STT3B: variants seen among roughly 807,000 people sequenced by gnomAD.
The protein encoded by STT3B is STT3 oligosaccharyltransferase complex catalytic subunit B, also known as dolichyl-diphosphooligosaccharide--protein glycosyltransferase subunit STT3B.
A neutral mutation model predicts 96.8 loss-of-function variants in STT3B; 29 were observed. That is an observed-to-expected ratio of 0.30 (90% confidence interval 0.22 to 0.41). The LOEUF is 0.41. Ranked by LOEUF, STT3B falls within the 10% of genes least tolerant of loss-of-function variation. The pLI is 1.00. For synonymous variants in STT3B, 367 were observed against 360.0 expected, an observed-to-expected ratio of 1.02 and a Z score of -0.22; for missense variants, 640 against 1,022.3, an observed-to-expected ratio of 0.63 and a Z score of 5.10.
In STT3B at chr3:31,637,518, T is replaced by G. The variant is rs1559396984; in HGVS notation, c.*1454T>G. 6.6e-6 allele frequency: 1 copy of G among 152,220 alleles called. No homozygotes were observed. The highest frequency in any genetic ancestry group is 1.5e-5 in the Non-Finnish European group (1 of 68,020). The allele number at this position is 152,220 out of a possible 1,614,324, so 9.4% of individuals were successfully genotyped here. A position where few individuals can be genotyped will look rare whatever the true frequency, so the allele number is the denominator to read the frequency against. On this transcript the variant is annotated 3_prime_UTR_variant, in exon 16 of 16. Transcript: ENST00000295770. ...AGTGTAACGAAGTCTGGATTTCTGA[T>G]ACCTTGTCATTTGGGGGATTTTATT... is the stretch of plus-strand genomic sequence containing the variant.
intron 9 of STT3B, chr3:31,620,429 CT>C (rs1699401864): frequency 6.6e-6 from 1 of 152,004 alleles, no homozygotes; most frequent in African/African-American, 2.4e-5. Context: ...ATAGCCTTGA[CT>C]TTGTTTTCTG....
At position 31,589,201 on chromosome 3, in the gene STT3B, T is replaced by C. The variant is rs76619227; in HGVS notation, c.712-7597T>C. ...TTCATTTTGTGTGTGTGCTAATACGTACTGGGTGCTAAATGGTATTATGTT... is the reference window on the plus strand; with the variant it reads ...TTCATTTTGTGTGTGTGCTAATACGCACTGGGTGCTAAATGGTATTATGTT... On this transcript the variant is annotated intron_variant, in intron 3 of 15. Coordinates refer to ENST00000295770, the MANE Select transcript of STT3B (RefSeq NM_178862.3). Among the ~76,000 whole-genome samples, 396 of 152,208 alleles carry C rather than the reference T, an allele frequency of 2.6e-3. 2 individuals are homozygous for C. Among genetic ancestry groups the C allele is most frequent in the Non-Finnish European group, 3.9e-3 (268 of 67,938 alleles).
intron 10 of STT3B, among the ~76,000 whole-genome samples, chr3:31,622,728 A>G (rs1274508483): frequency 1.3e-5 from 2 of 152,172 alleles, no homozygotes; most frequent in East Asian, 1.9e-4. Flanking sequence ...TGGAAGTGAC[A>G]TTTGATTGGT....
intron 13 of STT3B, among the ~76,000 whole-genome samples, chr3:31,627,109 T>G (rs1166555109): frequency 1.3e-5 from 2 of 152,142 alleles, no homozygotes. Flanking sequence ...TTATACCTGT[T>G]TTGCAGGAGT....
chr3:31,630,901 A>G (rs996690954), intron 14 of STT3B, among the ~76,000 whole-genome samples: 3 of 151,668 alleles, frequency 2.0e-5, no homozygotes, highest in Non-Finnish European at 4.4e-5. Context: ...GGTTCATGCC[A>G]TTCTCCTGCC....
chr3:31,616,892 C>T (rs1699318279), intron 6 of STT3B, 37 bp from the exon 7 acceptor site: 1 of 1,550,892 alleles, frequency 6.4e-7, no homozygotes, highest in African/African-American at 1.4e-5. Context: ...CCTTGGAAAA[C>T]TGCTTTGTTG....
intron 13 of STT3B, among the ~76,000 whole-genome samples, chr3:31,627,797 G>C (rs116042502): frequency 6.6e-6 from 1 of 152,100 alleles, no homozygotes; most frequent in Non-Finnish European, 1.5e-5. Context: ...TGTGACATGT[G>C]ATAGATCACT....
intron 1 of STT3B, among the ~76,000 whole-genome samples, chr3:31,541,766 C>T (rs931097586): frequency 1.4e-4 from 21 of 151,936 alleles, no homozygotes; most frequent in African/African-American, 4.6e-4. Context: ...TTAGCAGAGA[C>T]GAGGTTTCAC....
intron 3 of STT3B, among the ~76,000 whole-genome samples, chr3:31,589,703 G>A (rs1698623158): frequency 2.0e-5 from 3 of 151,830 alleles, no homozygotes; most frequent in African/African-American, 7.3e-5. Context: ...TATATTCTGT[G>A]ACCTTGCTAA....
At chr3:31,549,771 G>T (rs561152710) in intron 1 of STT3B, among the ~76,000 whole-genome samples, 8 of 152,076 alleles carry the variant, frequency 5.3e-5, no homozygotes, top group African/African-American at 1.7e-4. Flanking sequence ...TTGGAGATTT[G>T]TTTCTATAAT....
rs775495091 is a variant in STT3B, at chr3:31,623,799, C to G, written c.1665C>G (p.Thr555=). 1.4e-5 allele frequency: 22 copies of G among 1,613,962 alleles called. No homozygotes were observed. In the South Asian group the frequency reaches 2.3e-4, roughly 17 times the overall value. The change falls in exon 11 of 16, where the codon ACC becomes ACG. Residue 555 remains threonine (T), a synonymous_variant. Coordinates refer to ENST00000295770, the MANE Select transcript of STT3B (RefSeq NM_178862.3). The part of the protein sequence containing the change: ...MLLMMFAVHC[T]WVTSNAYSSP... ...TGATGATGTTTGCTGTCCACTGTAC[C>G]TGGGTCACAAGCAATGCCTACTCTA...
chr3:31,582,277 T>C (rs995646175), intron 3 of STT3B, among the ~76,000 whole-genome samples: 72 of 150,814 alleles, frequency 4.8e-4, no homozygotes, highest in African/African-American at 1.4e-3. Context: ...GCTTTGGGTT[T>C]AGTTTGTTCT....
In STT3B at chr3:31,535,335, TA is replaced by T. The variant is rs544830357; in HGVS notation, c.314+2024del. Among the ~76,000 whole-genome samples the T allele has an allele frequency of 5.1e-3, 774 of 151,248 alleles. 8 individuals carry two copies. The highest frequency in any genetic ancestry group is 0.017 in the African/African-American group (699 of 41,358). ...TTTATTTTTTATTTTTTATTTTTAT[TA>T]TTTTTTTTTTTTTAGTGTAGCTAAG... On this transcript the variant is annotated intron_variant, in intron 1 of 15. Coordinates refer to ENST00000295770, the MANE Select transcript of STT3B (RefSeq NM_178862.3).
At chr3:31,561,464 G>A (rs1263053767) in intron 1 of STT3B, among the ~76,000 whole-genome samples, 1 of 151,846 alleles carries the variant, frequency 6.6e-6, no homozygotes, top group Non-Finnish European at 1.5e-5. Context: ...ATACAGTTAG[G>A]TTATTATTGA....
chr3:31,557,025 T>A (rs1399434231), intron 1 of STT3B, among the ~76,000 whole-genome samples: 1 of 152,202 alleles, frequency 6.6e-6, no homozygotes, highest in Non-Finnish European at 1.5e-5. Context: ...GGATCTTATG[T>A]TTAAGCCTTT....
intron 1 of STT3B, among the ~76,000 whole-genome samples, chr3:31,569,856 ATATG>A (rs1009921708): frequency 1.3e-5 from 2 of 152,080 alleles, no homozygotes; most frequent in Non-Finnish European, 2.9e-5. Flanking sequence ...GTTTGCATAT[ATATG>A]TATTATGTTA....
chr3:31,613,900 A>C (rs534017828), intron 5 of STT3B, among the ~76,000 whole-genome samples: 4 of 152,084 alleles, frequency 2.6e-5, no homozygotes, highest in African/African-American at 9.6e-5. Flanking sequence ...TCTTCTAGAC[A>C]TCTGGTCCTC....
intron 5 of STT3B, among the ~76,000 whole-genome samples, chr3:31,613,557 C>G (rs1290366108): frequency 6.6e-6 from 1 of 151,872 alleles, no homozygotes; most frequent in Non-Finnish European, 1.5e-5. Context: ...CTTGTCCAAC[C>G]CACATTCTAT....
At chr3:31,586,620 A>G (rs976673312) in intron 3 of STT3B, among the ~76,000 whole-genome samples, 2 of 151,968 alleles carry the variant, frequency 1.3e-5, no homozygotes, top group Admixed American at 1.3e-4. Flanking sequence ...TTCCAACATC[A>G]TGTGTTGAAA....
Sources: allele counts gnomAD v4.1 joint callset (sites outside exome capture counted in the v4.1 genomes callset), GRCh38; gene constraint gnomAD v4.1.1; transcripts MANE v1.5; gene names NCBI Gene and HGNC (gene_info 2026-07-23, HGNC 2026-07-21).